The following SCYL2 variants were observed in gnomAD, a reference collection of about 807,000 sequenced individuals.
SCYL2 encodes the protein SCY1-like protein 2.
A neutral mutation model predicts 100.4 loss-of-function variants in SCYL2; 36 were observed. The observed-to-expected ratio is 0.36, with a 90% CI of 0.27 to 0.47. The LOEUF is 0.47. Ranked by LOEUF, SCYL2 falls within the 20% of genes least tolerant of loss-of-function variation. The pLI, the probability that SCYL2 is intolerant of heterozygous loss-of-function variation, is 1.00. For synonymous variants in SCYL2, 330 were observed against 359.2 expected, an observed-to-expected ratio of 0.92 and a Z score of 0.92; for missense variants, 902 against 1,083.9, an observed-to-expected ratio of 0.83 and a Z score of 2.36.
Position 100,267,217 on chromosome 12 carries a change from C to G in SCYL2, c.-604C>G, listed in dbSNP as rs981016892. The G allele has an allele frequency of 1.1e-5, 9 of 832,296 alleles. No individual in the cohort carries two copies. Among genetic ancestry groups the G allele is most frequent in the Non-Finnish European group, 1.5e-5 (8 of 551,114 alleles). The allele number at this position is 832,296 out of a possible 1,614,324, so 51.6% of individuals were successfully genotyped here. A position where few individuals can be genotyped will look rare whatever the true frequency, so the allele number is the denominator to read the frequency against. On this transcript the variant is annotated 5_prime_UTR_variant, in exon 1 of 18. Coordinates refer to ENST00000360820, the MANE Select transcript of SCYL2 (RefSeq NM_017988.6). ...CCCTTACTCTTCGTCCCCGGTCCCTCCCCTCCCCACCCCTTTCCTTCTAGC... is the reference window on the plus strand; with the variant it reads ...CCCTTACTCTTCGTCCCCGGTCCCTGCCCTCCCCACCCCTTTCCTTCTAGC...
Position 100,330,830 on chromosome 12 carries a change from C to CT in SCYL2, c.1761+1527dup, listed in dbSNP as rs71088179. 5.0e-3 allele frequency among the ~76,000 whole-genome samples: 671 copies of CT among 134,046 alleles called. 1 individual carries two copies. The highest frequency in any genetic ancestry group is 1.0e-2 in the South Asian group (42 of 4,202). 87.9% of individuals were successfully genotyped at this position (134,046 alleles called of 152,430 possible). On this transcript the variant is annotated intron_variant, in intron 13 of 17. Coordinates refer to ENST00000360820, the MANE Select transcript of SCYL2 (RefSeq NM_017988.6). Reference sequence around the variant, plus strand: ...TTGTTCCTAGGTTTTAATTTTTTTTCTTTTTTTTTTTTTTTTGAGATGGAG... The same window carrying CT: ...TTGTTCCTAGGTTTTAATTTTTTTTCTTTTTTTTTTTTTTTTTGAGATGGAG...
chr12:100,281,025 T>TG (rs1566343768), intron 1 of SCYL2, among the ~76,000 whole-genome samples: 2 of 109,844 alleles, frequency 1.8e-5, no homozygotes, highest in Non-Finnish European at 3.7e-5. Context: ...CAGTGTTTTT[T>TG]TTTTTTTTTT....
At chr12:100,322,896 C>T (rs949062010) in intron 10 of SCYL2, among the ~76,000 whole-genome samples, 10 of 151,062 alleles carry the variant, frequency 6.6e-5, no homozygotes, top group African/African-American at 1.2e-4. Flanking sequence ...GGCATGATGG[C>T]GTGTACCTGT....
At chr12:100,274,897 TA>T (rs2096291093) in intron 1 of SCYL2, among the ~76,000 whole-genome samples, 1 of 152,250 alleles carries the variant, frequency 6.6e-6, no homozygotes, top group Non-Finnish European at 1.5e-5. Flanking sequence ...CTTCTCACAG[TA>T]ATATTCTAGA....
At chr12:100,297,840 C>G (rs1418394889) in intron 3 of SCYL2, among the ~76,000 whole-genome samples, 191 bp from the exon 4 acceptor site, 3 of 151,918 alleles carry the variant, frequency 2.0e-5, no homozygotes, top group African/African-American at 7.3e-5. Context: ...AGTGATTTAT[C>G]TAGTATAATT....
chr12:100,337,313 G>A lies in SCYL2; in HGVS notation c.2026-74G>A, dbSNP rs12321858. 1,191 of 1,575,480 alleles carry A rather than the reference G, an allele frequency of 7.6e-4. 11 individuals carry two copies. In the African/African-American group the frequency reaches 0.014, roughly 18 times the overall value. ...TGAAGTAGTAAGATGTACTTTACCCGAAGAGATTATCTTTTGTTTTACAAA... is the reference window on the plus strand; with the variant it reads ...TGAAGTAGTAAGATGTACTTTACCCAAAGAGATTATCTTTTGTTTTACAAA... On this transcript the variant is annotated intron_variant, in intron 16 of 17. Transcript: ENST00000360820.
chr12:100,329,147 T>C, intron 12 of SCYL2, 54 bp from the exon 13 acceptor site: 3 of 865,776 alleles, frequency 3.5e-6, no homozygotes, highest in Admixed American at 1.8e-5. Flanking sequence ...TTTTCATGAT[T>C]TCTATGAATT....
Position 100,313,476 on chromosome 12 carries a change from C to G in SCYL2, c.907C>G (p.His303Asp). Residue 303 changes from histidine to aspartate, a missense_variant, in exon 7 of 18, where the codon CAT (histidine) becomes GAT (aspartate). His to Asp is a moderately conservative substitution (Grantham distance 81, BLOSUM62 -1). Coordinates refer to ENST00000360820, the MANE Select transcript of SCYL2 (RefSeq NM_017988.6). ...AAATATACCTGAGGAAGTTCGTGAA[C>G]ATGTAAAGCTACTGTTAAATGTAAC... ...LTNIPEEVRE[H>D]VKLLLNVTPT... 6.2e-7 allele frequency: 1 copy of G among 1,606,134 alleles called. No homozygotes were observed. Among genetic ancestry groups the G allele is most frequent in the Non-Finnish European group, 8.5e-7 (1 of 1,174,842 alleles).
chr12:100,313,926 G>T (rs2096345363), intron 7 of SCYL2, among the ~76,000 whole-genome samples: 1 of 149,392 alleles, frequency 6.7e-6, no homozygotes, highest in Non-Finnish European at 1.5e-5. Flanking sequence ...TGTCACCCAG[G>T]CTGGAGTGTA....
chr12:100,325,974 T>G (rs1453437944), intron 11 of SCYL2, among the ~76,000 whole-genome samples: 2 of 152,146 alleles, frequency 1.3e-5, no homozygotes, highest in East Asian at 3.8e-4. Context: ...TTTGTTGGTT[T>G]ACTGTTTTTT....
At chr12:100,324,984 A>G (rs777718143) in intron 11 of SCYL2, among the ~76,000 whole-genome samples, 6 of 152,146 alleles carry the variant, frequency 3.9e-5, no homozygotes, top group Non-Finnish European at 7.4e-5. Context: ...TAATCCCAAC[A>G]CTTTGGGAGG....
chr12:100,309,291 T>G (rs909613480), intron 4 of SCYL2, among the ~76,000 whole-genome samples: 1 of 152,174 alleles, frequency 6.6e-6, no homozygotes, highest in African/African-American at 2.4e-5. Flanking sequence ...ATTCACATTG[T>G]CATGGAACCA....
chr12:100,294,726 G>T (rs1305371413), intron 3 of SCYL2, among the ~76,000 whole-genome samples: 2 of 130,802 alleles, frequency 1.5e-5, no homozygotes, highest in Admixed American at 7.3e-5. Flanking sequence ...TCCCGGACGG[G>T]GTGGCTGGCC....
At chr12:100,314,423 G>A (rs2096346022) in intron 7 of SCYL2, 66 bp from the exon 8 acceptor site, 1 of 1,200,308 alleles carries the variant, frequency 8.3e-7, no homozygotes, top group Non-Finnish European at 1.2e-6. Flanking sequence ...TATTGTGACA[G>A]TTTCAGATAT....
chr12:100,272,912 C>T (rs1047097168), intron 1 of SCYL2, among the ~76,000 whole-genome samples: 12 of 152,116 alleles, frequency 7.9e-5, no homozygotes, highest in Non-Finnish European at 7.4e-5. Flanking sequence ...ATCTGTATAA[C>T]TAGCACCTTT....
chr12:100,285,101 G>GTACA (rs1264860265), intron 2 of SCYL2, among the ~76,000 whole-genome samples: 2 of 152,128 alleles, frequency 1.3e-5, no homozygotes, highest in Non-Finnish European at 2.9e-5. Flanking sequence ...AATCATGAGT[G>GTACA]TACAGCTTGA....
At chr12:100,294,456 G>T (rs1592940246) in intron 3 of SCYL2, among the ~76,000 whole-genome samples, 1 of 105,944 alleles carries the variant, frequency 9.4e-6, no homozygotes, top group Non-Finnish European at 1.9e-5. Flanking sequence ...AGTAGGGGCG[G>T]CCGGGCAGAG....
At chr12:100,291,461 T>C in intron 2 of SCYL2, 42 bp from the exon 3 acceptor site, 2 of 1,295,120 alleles carry the variant, frequency 1.5e-6, no homozygotes, top group Non-Finnish European at 1.1e-6. Flanking sequence ...TTTATTACTT[T>C]TCTATATTTC....
intron 11 of SCYL2, among the ~76,000 whole-genome samples, chr12:100,324,999 G>A (rs1371391671): frequency 1.3e-5 from 2 of 152,140 alleles, no homozygotes; most frequent in East Asian, 3.8e-4. Flanking sequence ...GGGAGGCTGA[G>A]GCGAGTGGAT....
Sources: gnomAD v4.1 joint callset for allele counts (sites outside exome capture counted in the v4.1 genomes callset) on GRCh38, gnomAD v4.1.1 for gene constraint, MANE v1.5 for transcripts, NCBI Gene and HGNC (gene_info 2026-07-23, HGNC 2026-07-21) for gene names.